Variants in DLC1 observed in about 807,000 individuals in gnomAD.
DLC1 encodes DLC1 Rho GTPase activating protein, also known as rho GTPase-activating protein 7.
A neutral mutation model predicts 140.3 loss-of-function variants in DLC1; 54 were observed. The observed-to-expected ratio is 0.38, with a 90% CI of 0.31 to 0.48. DLC1 has a LOEUF of 0.48. DLC1 is among the 20% of genes least tolerant of loss of function. DLC1 has a pLI of 0.96. For missense variants in DLC1, 2,536 were observed against 1,907.0 expected (o/e 1.33, Z -6.14); for synonymous variants, 986 against 728.1 (o/e 1.35, Z -5.70).
At position 13,185,122 on chromosome 8, in the gene DLC1, C is replaced by CTTT. The variant is rs1193667992; in HGVS notation, c.1349-69468_1349-69466dup. 8.3e-3 allele frequency among the ~76,000 whole-genome samples: 700 copies of CTTT among 84,456 alleles called. 7 individuals carry two copies. The highest frequency in any genetic ancestry group is 0.015 in the South Asian group (31 of 2,072). 55.4% of individuals were successfully genotyped at this position (84,456 alleles called of 152,430 possible). On this transcript the variant is annotated intron_variant, in intron 5 of 17. Transcript: ENST00000276297. ...TCAGAGACTAGGATTGCAACCCCTG[C>CTTT]TTTTTTTTTTTTTTTTTTTTGCTTT...
chr8:13,238,435 C>T (rs1168457978), intron 5 of DLC1, among the ~76,000 whole-genome samples: 1 of 151,928 alleles, frequency 6.6e-6, no homozygotes, highest in Non-Finnish European at 1.5e-5. Flanking sequence ...ATCATTTGAG[C>T]TCAAGAGGTG....
chr8:13,206,429 T>G (rs1165264672), intron 5 of DLC1, among the ~76,000 whole-genome samples: 2 of 152,196 alleles, frequency 1.3e-5, no homozygotes, highest in Admixed American at 6.5e-5. Flanking sequence ...TTATAGTATT[T>G]GCTAAATTTT....
At chr8:13,484,858 C>T (rs1224620976) in intron 2 of DLC1, among the ~76,000 whole-genome samples, 1 of 151,772 alleles carries the variant, frequency 6.6e-6, no homozygotes, top group East Asian at 2.0e-4. Flanking sequence ...GGGATGTGCG[C>T]TATGACCAGC....
At chr8:13,163,590 A>G (rs547333561) in intron 5 of DLC1, among the ~76,000 whole-genome samples, 16 of 152,194 alleles carry the variant, frequency 1.1e-4, no homozygotes, top group Admixed American at 4.6e-4. Context: ...TGTGGTGGCT[A>G]AAACAGCAGG....
intron 1 of DLC1, among the ~76,000 whole-genome samples, chr8:13,537,955 G>A (rs1803348587): frequency 6.6e-6 from 1 of 152,028 alleles, no homozygotes. Context: ...CACCCGGCCA[G>A]CAACAGCTAA....
intron 5 of DLC1, among the ~76,000 whole-genome samples, chr8:13,190,104 T>C (rs1469351546): frequency 6.6e-6 from 1 of 152,200 alleles, no homozygotes; most frequent in Non-Finnish European, 1.5e-5. Context: ...TTTTACTCAA[T>C]GTATTCCAAA....
chr8:13,402,253 T>G (rs1837331968), intron 2 of DLC1, among the ~76,000 whole-genome samples: 1 of 152,222 alleles, frequency 6.6e-6, no homozygotes, highest in African/African-American at 2.4e-5. Context: ...TATGGTTACT[T>G]ATTCTCAGTT....
chr8:13,604,318 G>C (rs1448135810), intron 1 of DLC1, among the ~76,000 whole-genome samples: 1 of 152,076 alleles, frequency 6.6e-6, no homozygotes, highest in Non-Finnish European at 1.5e-5. Flanking sequence ...GATGAATATA[G>C]TTTCAATCAA....
At chr8:13,425,998 G>T (rs193257021) in intron 2 of DLC1, among the ~76,000 whole-genome samples, 125 of 152,124 alleles carry the variant, frequency 8.2e-4, no homozygotes, top group African/African-American at 2.8e-3. Flanking sequence ...TTTTTTGTAG[G>T]GACAGGGTCT....
chr8:13,115,698 C>A (rs1184909478), intron 5 of DLC1, 41 bp from the exon 6 acceptor site: 1 of 1,582,108 alleles, frequency 6.3e-7, no homozygotes, highest in African/African-American at 1.4e-5. Context: ...GCCATGTGTA[C>A]CTCGCCATGC....
chr8:13,562,781 C>G (rs994867614), intron 1 of DLC1, among the ~76,000 whole-genome samples: 1 of 151,892 alleles, frequency 6.6e-6, no homozygotes, highest in African/African-American at 2.4e-5. Context: ...TAGCAAAATG[C>G]CCGTCAAAAT....
chr8:13,390,567 G>A (rs1282152330), intron 4 of DLC1, among the ~76,000 whole-genome samples: 2 of 152,182 alleles, frequency 1.3e-5, no homozygotes, highest in African/African-American at 2.4e-5. Context: ...CTTCCACAAT[G>A]GTTGAACTAA....
intron 2 of DLC1, among the ~76,000 whole-genome samples, chr8:13,443,151 C>G (rs1444243027): frequency 8.2e-6 from 1 of 122,192 alleles, no homozygotes; most frequent in African/African-American, 3.2e-5. Context: ...GGGAATTGAA[C>G]AATGAGAACA....
chr8:13,445,004 C>A (rs1307870458), intron 2 of DLC1, among the ~76,000 whole-genome samples: 1 of 150,806 alleles, frequency 6.6e-6, no homozygotes, highest in African/African-American at 2.4e-5. Context: ...TGATAGCAGA[C>A]AAGGGAAAGG....
intron 5 of DLC1, among the ~76,000 whole-genome samples, chr8:13,181,131 T>A (rs1563142473): frequency 6.6e-6 from 1 of 151,966 alleles, no homozygotes; most frequent in African/African-American, 2.4e-5. Context: ...TCCCATGGTG[T>A]CCCCCTTGTT....
intron 5 of DLC1, among the ~76,000 whole-genome samples, chr8:13,165,450 A>G (rs1563128382): frequency 6.6e-6 from 1 of 152,236 alleles, no homozygotes; most frequent in African/African-American, 2.4e-5. Context: ...TGCTGGAGAC[A>G]TTCTGAGCTT....
chr8:13,276,490 C>G, intron 5 of DLC1: 1 of 1,327,554 alleles, frequency 7.5e-7, no homozygotes, highest in Non-Finnish European at 9.6e-7. Flanking sequence ...CAGGCTGTCG[C>G]CTGCCTTCAG....
intron 1 of DLC1, among the ~76,000 whole-genome samples, chr8:13,598,323 G>C (rs1805749449): frequency 6.6e-6 from 1 of 152,020 alleles, no homozygotes; most frequent in Non-Finnish European, 1.5e-5. Context: ...GTGCTGAGCA[G>C]CCTGGGACAG....
At chr8:13,433,409 G>A (rs538401740) in intron 2 of DLC1, among the ~76,000 whole-genome samples, 1 of 152,268 alleles carries the variant, frequency 6.6e-6, no homozygotes, top group South Asian at 2.1e-4. Context: ...TACAGATCAA[G>A]AAAAAGCATG....
Sources: gnomAD v4.1 joint callset for allele counts (sites outside exome capture counted in the v4.1 genomes callset) on GRCh38, gnomAD v4.1.1 for gene constraint, MANE v1.5 for transcripts, NCBI Gene and HGNC (gene_info 2026-07-23, HGNC 2026-07-21) for gene names.